Variants in DROSHA observed in about 807,000 individuals in gnomAD.
DROSHA encodes the protein drosha ribonuclease III.
DROSHA carries 56 observed loss-of-function variants against 181.9 expected under a neutral mutation model. The observed-to-expected ratio is 0.31, with a 90% CI of 0.25 to 0.38. The LOEUF (loss-of-function observed/expected upper bound fraction) is 0.38, where lower values mean the gene tolerates loss of function less well. Among genes scored for constraint, DROSHA ranks in the 10% least tolerant of loss-of-function variants. The probability of loss-of-function intolerance (pLI) is 1.00; values close to 1 mark genes in which losing one functional copy is unlikely to be tolerated. For synonymous variants in DROSHA, 524 were observed against 591.2 expected, an observed-to-expected ratio of 0.89 and a Z score of 1.65; for missense variants, 1,218 against 1,743.5, an observed-to-expected ratio of 0.70 and a Z score of 5.37.
intron 27 of DROSHA, 61 bp from the exon 28 acceptor site, chr5:31,424,532 T>C: frequency 1.3e-6 from 2 of 1,508,492 alleles, no homozygotes; most frequent in Non-Finnish European, 1.8e-6. Flanking sequence ...TCTAGAGTAC[T>C]AAATAAAATG....
In DROSHA at chr5:31,406,902, C is replaced by G; in HGVS notation, c.3898G>C (p.Val1300Leu). 6.2e-7 allele frequency: 1 copy of G among 1,613,788 alleles called. No individual in the cohort carries two copies. Among genetic ancestry groups the G allele is most frequent in the Admixed American group, 1.7e-5 (1 of 60,014 alleles). ...CTTTCTCCCTTGAAATAAACAGCCACAGTGTAGGTTCGGGCATGGGATGGG... is the reference window on the plus strand; with the variant it reads ...CTTTCTCCCTTGAAATAAACAGCCAGAGTGTAGGTTCGGGCATGGGATGGG... ...VGPSHARTYT[V>L]AVYFKGERIG... Residue 1300 changes from valine to leucine, a missense_variant, in exon 34 of 36, where the codon GTG becomes CTG. This residue lies in a region of DROSHA where 48 missense variants were observed against 124.9 expected (regional missense o/e 0.38). Coordinates refer to ENST00000344624, the MANE Select transcript of DROSHA (RefSeq NM_001382508.1).
At position 31,467,776 on chromosome 5, in the gene DROSHA, G is replaced by A. The variant is rs1319280498; in HGVS notation, c.2366+163C>T. ...ATATGTACAGAAAATAATTCTTCAGGAGCTACCACAATTGTTTCATTTGGG... is the reference window on the plus strand; with the variant it reads ...ATATGTACAGAAAATAATTCTTCAGAAGCTACCACAATTGTTTCATTTGGG... On this transcript the variant is annotated intron_variant, in intron 18 of 35. Coordinates refer to ENST00000344624, the MANE Select transcript of DROSHA (RefSeq NM_001382508.1). 7.9e-6 allele frequency: 7 copies of A among 888,100 alleles called. No individual in the cohort carries two copies. The East Asian group carries it at 1.2e-4, about 15-fold the overall frequency. 55.0% of individuals were successfully genotyped at this position (888,100 alleles called of 1,614,324 possible).
At chr5:31,467,530 T>A (rs1257211478) in intron 18 of DROSHA, 1 of 152,160 alleles carries the variant, frequency 6.6e-6, no homozygotes, top group African/African-American at 2.4e-5. Context: ...GATCTTGAAC[T>A]CTTAAGATGC....
chr5:31,516,198 G>A (rs1739255020), intron 6 of DROSHA, among the ~76,000 whole-genome samples: 1 of 152,216 alleles, frequency 6.6e-6, no homozygotes, highest in Non-Finnish European at 1.5e-5. Context: ...TGAGGCTGCA[G>A]TGAGCTATGA....
intron 11 of DROSHA, among the ~76,000 whole-genome samples, chr5:31,495,589 G>A (rs940422892): frequency 1.3e-5 from 2 of 152,218 alleles, no homozygotes; most frequent in African/African-American, 4.8e-5. Context: ...AGGTGCTGGT[G>A]AAGCAAGGAT....
At chr5:31,486,651 G>C in intron 13 of DROSHA, 89 bp from the exon 14 acceptor site, 1 of 1,104,464 alleles carries the variant, frequency 9.1e-7, no homozygotes, top group South Asian at 1.5e-5. Flanking sequence ...AAAAGGCCAT[G>C]AACCAAATGA....
chr5:31,499,186 C>A (rs916159879), intron 11 of DROSHA, among the ~76,000 whole-genome samples: 3 of 152,222 alleles, frequency 2.0e-5, no homozygotes, highest in African/African-American at 7.2e-5. Context: ...TTCCACAGAT[C>A]ACCCCCAGGC....
chr5:31,432,547 T>G (rs1744306565), intron 25 of DROSHA, among the ~76,000 whole-genome samples: 1 of 152,188 alleles, frequency 6.6e-6, no homozygotes, highest in African/African-American at 2.4e-5. Flanking sequence ...CCCTCTGCAC[T>G]TGTGTCCCCC....
intron 10 of DROSHA, among the ~76,000 whole-genome samples, chr5:31,507,139 A>G (rs192230079): frequency 6.6e-6 from 1 of 151,538 alleles, no homozygotes; most frequent in Non-Finnish European, 1.5e-5. Context: ...ACATAGCGAG[A>G]CCTCATCTCT....
chr5:31,450,431 A>G (rs1746839370), intron 21 of DROSHA, among the ~76,000 whole-genome samples: 1 of 152,242 alleles, frequency 6.6e-6, no homozygotes. Flanking sequence ...AATCAACCTA[A>G]GTGCCTATCA....
At chr5:31,466,059 G>T (rs1580190593) in intron 19 of DROSHA, 123 bp downstream of exon 19, 2 of 989,648 alleles carry the variant, frequency 2.0e-6, no homozygotes, top group Non-Finnish European at 3.0e-6. Context: ...GGAGGGTAAA[G>T]TATGATTTTT....
intron 5 of DROSHA, among the ~76,000 whole-genome samples, chr5:31,524,676 C>A (rs1314834682): frequency 6.6e-6 from 1 of 152,116 alleles, no homozygotes; most frequent in Non-Finnish European, 1.5e-5. Flanking sequence ...TGTAAGTTTC[C>A]TTCTAGAAAA....
At chr5:31,504,763 G>A in intron 10 of DROSHA, 128 bp from the exon 11 acceptor site, 5 of 909,474 alleles carry the variant, frequency 5.5e-6, no homozygotes, top group Non-Finnish European at 8.5e-6. Flanking sequence ...GTCACGGTTA[G>A]AAGATTAAAC....
intron 22 of DROSHA, 54 bp from the exon 23 acceptor site, chr5:31,448,661 G>T: frequency 7.2e-7 from 1 of 1,389,748 alleles, no homozygotes; most frequent in Non-Finnish European, 1.0e-6. Flanking sequence ...AGAATTATAG[G>T]ACCATCATAT....
chr5:31,407,324 C>T (rs1740766662), intron 33 of DROSHA, among the ~76,000 whole-genome samples: 1 of 152,100 alleles, frequency 6.6e-6, no homozygotes, highest in East Asian at 1.9e-4. Context: ...CTAATCACAG[C>T]CTAAAACAAT....
chr5:31,486,826 G>T (rs934358404), intron 13 of DROSHA: 1 of 314,326 alleles, frequency 3.2e-6, no homozygotes, highest in African/African-American at 2.1e-5. Context: ...AACATGACAA[G>T]AACCCATTAA....
intron 11 of DROSHA, 150 bp downstream of exon 11, chr5:31,504,405 C>T (rs1737664116): frequency 1.2e-6 from 1 of 865,938 alleles, no homozygotes; most frequent in Non-Finnish European, 1.7e-6. Context: ...AACCCAAGTG[C>T]TTTCCTCTGC....
chr5:31,529,499 G>T (rs1182891397), intron 3 of DROSHA, among the ~76,000 whole-genome samples: 1 of 152,162 alleles, frequency 6.6e-6, no homozygotes, highest in African/African-American at 2.4e-5. Context: ...ACTTTGGGAG[G>T]TCGAGGCAGG....
In DROSHA at chr5:31,402,928, G is replaced by A. The variant is rs941643908; in HGVS notation, c.3995-1366C>T. ...CTCCCAAGTAGCTGGGATTACAGGCGTGTGCCACCACAACCGGCTAATTTT... is the reference window on the plus strand; with the variant it reads ...CTCCCAAGTAGCTGGGATTACAGGCATGTGCCACCACAACCGGCTAATTTT... On this transcript the variant is annotated intron_variant, in intron 35 of 35. Transcript: ENST00000344624. 4.6e-5 allele frequency among the ~76,000 whole-genome samples: 7 copies of A among 152,234 alleles called. No individual in the cohort carries two copies. The East Asian group carries it at 9.7e-4, about 21-fold the overall frequency.
Sources: gnomAD v4.1 joint callset for allele counts (sites outside exome capture counted in the v4.1 genomes callset) on GRCh38, gnomAD v4.1.1 for gene constraint, gnomAD v4.1.1 regional missense constraint, MANE v1.5 for transcripts, NCBI Gene and HGNC (gene_info 2026-07-23, HGNC 2026-07-21) for gene names.